IRAK2: variants seen among roughly 807,000 people sequenced by gnomAD.
The protein encoded by IRAK2 is interleukin 1 receptor associated kinase 2.
Under a neutral mutation model 72.0 loss-of-function variants are expected in IRAK2, and 57 were observed. That is an observed-to-expected ratio of 0.79 (90% CI 0.64 to 0.99). The LOEUF (loss-of-function observed/expected upper bound fraction) is 0.99. IRAK2 is among the 50% of genes least tolerant of loss of function. The pLI, the probability that IRAK2 is intolerant of heterozygous loss-of-function variation, is 0.00. For missense variants in IRAK2, 790 were observed against 794.4 expected (o/e 0.99, Z 0.07); for synonymous variants, 293 against 312.7 (o/e 0.94, Z 0.67).
chr3:10,241,924 A>C, intron 12 of IRAK2, among the ~76,000 whole-genome samples, 192 bp from the exon 13 acceptor site: 1 of 147,544 alleles, frequency 6.8e-6, no homozygotes, highest in Non-Finnish European at 1.5e-5. Context: ...CTTGAGCTGA[A>C]ATTGTGCCAC....
At chr3:10,230,654 T>C (rs1337834154) in intron 10 of IRAK2, among the ~76,000 whole-genome samples, 2 of 152,164 alleles carry the variant, frequency 1.3e-5, no homozygotes, top group Admixed American at 6.5e-5. Flanking sequence ...ACTGTAACCT[T>C]GTACCCCTGG....
chr3:10,166,155 T>C (rs767636439), intron 1 of IRAK2, among the ~76,000 whole-genome samples: 14 of 152,242 alleles, frequency 9.2e-5, no homozygotes, highest in Non-Finnish European at 5.9e-5. Context: ...CCATTATAGT[T>C]TTAAAATCAG....
chr3:10,195,993 G>C (rs1204433172), intron 2 of IRAK2, among the ~76,000 whole-genome samples: 1 of 152,172 alleles, frequency 6.6e-6, no homozygotes, highest in Non-Finnish European at 1.5e-5. Flanking sequence ...CCTTCCAAGG[G>C]AGCACAGGCA....
chr3:10,200,281 AC>A, intron 2 of IRAK2, 87 bp from the exon 3 acceptor site: 2 of 1,189,716 alleles, frequency 1.7e-6, no homozygotes, highest in Non-Finnish European at 2.4e-6. Context: ...CAGAATTAGA[AC>A]CCAGGTCTCT....
chr3:10,203,485 C>A (rs975489647), intron 3 of IRAK2, among the ~76,000 whole-genome samples: 1 of 152,168 alleles, frequency 6.6e-6, no homozygotes, highest in Non-Finnish European at 1.5e-5. Context: ...TTCCACTGAG[C>A]CCCAGAGTTC....
intron 2 of IRAK2, among the ~76,000 whole-genome samples, chr3:10,180,189 C>T (rs753735708): frequency 6.6e-6 from 1 of 151,990 alleles, no homozygotes; most frequent in Non-Finnish European, 1.5e-5. Flanking sequence ...GTCTGGTTAC[C>T]CCCACCCCTC....
At chr3:10,218,963 C>T (rs766701790) in intron 7 of IRAK2, among the ~76,000 whole-genome samples, 6 of 152,100 alleles carry the variant, frequency 3.9e-5, no homozygotes, top group Non-Finnish European at 5.9e-5. Context: ...TTTGGGAGAG[C>T]GAGGTGGACG....
At position 10,238,687 on chromosome 3, in the gene IRAK2, G is replaced by A. The variant is rs555024803; in HGVS notation, c.1474-61G>A. 1,031 of 1,526,136 alleles carry A rather than the reference G, an allele frequency of 6.8e-4. 12 individuals carry two copies. The South Asian group carries it at 0.012, about 17-fold the overall frequency. The allele number at this position is 1,526,136 out of a possible 1,614,324, so 94.5% of individuals were successfully genotyped here. A position where few individuals can be genotyped will look rare whatever the true frequency, so the allele number is the denominator to read the frequency against. ...CCCCCTCTCTGCTGGGAGGCCAGATGTTAGCATTTCTATTTCAGAGAGAAT... is the reference window on the plus strand; with the variant it reads ...CCCCCTCTCTGCTGGGAGGCCAGATATTAGCATTTCTATTTCAGAGAGAAT... On this transcript the variant is annotated intron_variant, in intron 11 of 12. Transcript: ENST00000256458.
chr3:10,239,926 C>T (rs1318352629), intron 12 of IRAK2, among the ~76,000 whole-genome samples: 2 of 151,700 alleles, frequency 1.3e-5, no homozygotes, highest in Non-Finnish European at 2.9e-5. Context: ...GTGGGCAGAT[C>T]ACCTGAGGTC....
chr3:10,223,372 A>G (rs1003438204), intron 9 of IRAK2, among the ~76,000 whole-genome samples: 2 of 151,408 alleles, frequency 1.3e-5, no homozygotes, highest in Admixed American at 6.6e-5. Flanking sequence ...GTCTGCCATT[A>G]TGTCGTGCCA....
chr3:10,241,230 G>C, intron 12 of IRAK2, among the ~76,000 whole-genome samples: 1 of 148,708 alleles, frequency 6.7e-6, no homozygotes, highest in East Asian at 2.1e-4. Flanking sequence ...GGGCAACATG[G>C]TGAAAACCTG....
chr3:10,219,536 T>C, intron 7 of IRAK2, 144 bp from the exon 8 acceptor site: 1 of 622,746 alleles, frequency 1.6e-6, no homozygotes, highest in Non-Finnish European at 2.9e-6. Context: ...GCCAGGATGG[T>C]CTCGATCTCC....
chr3:10,193,748 G>C (rs1019441911), intron 2 of IRAK2, among the ~76,000 whole-genome samples: 19 of 152,222 alleles, frequency 1.2e-4, no homozygotes, highest in Non-Finnish European at 5.9e-5. Flanking sequence ...CTATCCCTGG[G>C]GGTCCCAGCA....
rs145605873 is a variant in IRAK2 at position 10,225,517 on chromosome 3, G to C, written c.1210-854G>C. Among the ~76,000 whole-genome samples the C allele has an allele frequency of 2.1e-3, 314 of 152,220 alleles. 1 individual carries two copies. Among genetic ancestry groups the C allele is most frequent in the African/African-American group, 6.6e-3 (274 of 41,538 alleles). Reference sequence around the variant, plus strand: ...TTTGTGGTGACTTACACGTATACAGGGTTGTGCTCCTTCTGCGAGTGGATG... The same window carrying C: ...TTTGTGGTGACTTACACGTATACAGCGTTGTGCTCCTTCTGCGAGTGGATG... On this transcript the variant is annotated intron_variant, in intron 9 of 12. Transcript: ENST00000256458.
Position 10,175,907 on chromosome 3 carries a change from A to G in IRAK2, c.95-1931A>G, listed in dbSNP as rs1457755726. Among the ~76,000 whole-genome samples, 48 of 149,416 alleles carry G rather than the reference A, an allele frequency of 3.2e-4. 1 individual carries two copies. Among genetic ancestry groups the G allele is most frequent in the Non-Finnish European group, 7.0e-4 (47 of 67,550 alleles). ...CTCCGTCTCAAAAAAAAAAAAAAAA[A>G]AAAAAAGAAAAGATACAAAATCTTA... On this transcript the variant is annotated intron_variant, in intron 1 of 12. Coordinates refer to ENST00000256458, the MANE Select transcript of IRAK2 (RefSeq NM_001570.4).
chr3:10,177,807 C>G lies in IRAK2; in HGVS notation c.95-31C>G, dbSNP rs771150366. 3.1e-6 allele frequency: 5 copies of G among 1,603,766 alleles called. No homozygotes were observed. The Admixed American group carries it at 8.3e-5, about 27-fold the overall frequency. On this transcript the variant is annotated intron_variant, in intron 1 of 12. Transcript: ENST00000256458. ...TGTCCTAGAGGGACTGCCTCTCTGA[C>G]TCTAAGCAGAGTTCTCTCCGTCCCT...
intron 2 of IRAK2, among the ~76,000 whole-genome samples, chr3:10,182,533 G>A (rs1437996825): frequency 2.0e-5 from 3 of 151,226 alleles, no homozygotes; most frequent in East Asian, 2.0e-4. Context: ...CGCCCGCCTC[G>A]GCCTCCCAAA....
intron 1 of IRAK2, among the ~76,000 whole-genome samples, chr3:10,172,909 GACCTCGTTA>G: frequency 6.8e-6 from 1 of 147,926 alleles, no homozygotes; most frequent in Non-Finnish European, 1.5e-5. Context: ...TCAAACTCCT[GACCTCGTTA>G]TCCGCTTGCC....
intron 3 of IRAK2, among the ~76,000 whole-genome samples, chr3:10,203,910 C>T (rs944400497): frequency 1.4e-4 from 22 of 152,196 alleles, no homozygotes; most frequent in African/African-American, 5.3e-4. Flanking sequence ...GCATGAGCCA[C>T]CGCGCCTGGC....
Sources: allele counts gnomAD v4.1 joint callset (sites outside exome capture counted in the v4.1 genomes callset), GRCh38; gene constraint gnomAD v4.1.1; transcripts MANE v1.5; gene names NCBI Gene and HGNC (gene_info 2026-07-23, HGNC 2026-07-21).